ANKRD37: variants seen among roughly 807,000 people sequenced by gnomAD.
ANKRD37 encodes the protein ankyrin repeat domain-containing protein 37.
Under a neutral mutation model 19.7 loss-of-function variants are expected in ANKRD37, and 17 were observed. That is an observed-to-expected ratio of 0.86 (90% CI 0.59 to 1.29). The LOEUF (loss-of-function observed/expected upper bound fraction) is 1.29, where lower values mean the gene tolerates loss of function less well. Ranked by LOEUF, ANKRD37 falls within the 50% of genes most tolerant of loss-of-function variation. ANKRD37 has a pLI of 0.00. For missense variants in ANKRD37, 207 were observed against 190.4 expected, an observed-to-expected ratio of 1.09 and a Z score of -0.51; for synonymous variants, 79 against 74.5, an observed-to-expected ratio of 1.06 and a Z score of -0.31.
intron 3 of ANKRD37, 42 bp downstream of exon 3, chr4:185,399,070 G>C (rs1464682549): frequency 6.5e-7 from 1 of 1,529,796 alleles, no homozygotes; most frequent in Admixed American, 1.7e-5. Context: ...TGTTTTCTTG[G>C]ATTAAACTAA....
Position 185,399,735 on chromosome 4 carries a change from C to T in ANKRD37, c.438C>T (p.Leu146=), listed in dbSNP as rs749133633. ...CCGTGCTCAGACAGAAACGGAGTCT[C>T]GGAAGTGTAGAAAATACCAGTGGGA... is the stretch of plus-strand genomic sequence containing the variant. ...CVAVLRQKRS[L]GSVENTSGKR... is the part of the protein sequence containing the mutation. Residue 146 remains leucine (L), a synonymous_variant, in exon 4 of 5, where the codon CTC becomes CTT. Transcript: ENST00000335174. 20 of 1,613,912 alleles carry T rather than the reference C, an allele frequency of 1.2e-5. No homozygotes were observed. Among genetic ancestry groups the T allele is most frequent in the South Asian group, 2.2e-5 (2 of 91,068 alleles).
downstream of ANKRD37, chr4:185,400,367 C>T: frequency 6.6e-7 from 1 of 1,514,272 alleles, no homozygotes; most frequent in Non-Finnish European, 9.2e-7. Context: ...TACCACTCTA[C>T]TGCAGTCTTT....
intron 2 of ANKRD37, 72 bp downstream of exon 2, chr4:185,397,374 C>T: frequency 6.4e-7 from 1 of 1,552,092 alleles, no homozygotes; most frequent in Non-Finnish European, 8.7e-7. Context: ...TCTCAGACGC[C>T]AAGAGTTGTT....
downstream of ANKRD37, chr4:185,400,650 A>T: frequency 2.2e-6 from 1 of 446,670 alleles, no homozygotes; most frequent in Non-Finnish European, 4.0e-6. Context: ...CTTACCCTTT[A>T]AGGTAGGTTT....
intron 4 of ANKRD37, 89 bp from the exon 5 acceptor site, chr4:185,399,928 A>G: frequency 6.4e-7 from 1 of 1,555,252 alleles, no homozygotes; most frequent in Non-Finnish European, 8.7e-7. Flanking sequence ...CAGAGTCTAG[A>G]GACCAAAAAT....
intron 3 of ANKRD37, 66 bp downstream of exon 3, chr4:185,399,094 G>A: frequency 2.3e-6 from 3 of 1,333,030 alleles, no homozygotes; most frequent in Non-Finnish European, 3.2e-6. Context: ...GACTCCTGAA[G>A]CTTAGTTACA....
At chr4:185,399,395 A>C in intron 3 of ANKRD37, 175 bp from the exon 4 acceptor site, 1 of 652,848 alleles carries the variant, frequency 1.5e-6, no homozygotes. Context: ...TCTATGCTGG[A>C]TTCTGTTAGT....
At position 185,397,153 on chromosome 4, in the gene ANKRD37, G is replaced by A. The variant is rs1164192811; in HGVS notation, c.31G>A (p.Asp11Asn). Reference protein sequence around the residue: MLLLDCNPEVDGLKHLLETGA... With the variant: MLLLDCNPEVNGLKHLLETGA... The stretch of plus-strand genomic sequence containing the variant: ...TGGATCTGTTCTCTTCCTGCAGGTG[G>A]ATGGTCTGAAGCATTTGCTGGAGAC... The change falls in exon 2 of 5, where the codon GAT becomes AAT. Residue 11 changes from aspartate (D) to asparagine (N), a missense_variant. Asp to Asn is a conservative substitution (Grantham distance 23). Coordinates refer to ENST00000335174, the MANE Select transcript of ANKRD37 (RefSeq NM_181726.4). The A allele has an allele frequency of 9.3e-6, 15 of 1,613,274 alleles. No homozygotes were observed. Among genetic ancestry groups the A allele is most frequent in the Non-Finnish European group, 1.1e-5 (13 of 1,179,992 alleles).
At chr4:185,397,025 C>T in intron 1 of ANKRD37, 75 bp downstream of exon 1, 1 of 1,608,458 alleles carries the variant, frequency 6.2e-7, no homozygotes, top group South Asian at 1.1e-5. Flanking sequence ...CTCGTTAATG[C>T]GGGGACGGAC....
intron 4 of ANKRD37, 61 bp from the exon 5 acceptor site, chr4:185,399,956 G>T: frequency 6.3e-7 from 1 of 1,581,026 alleles, no homozygotes; most frequent in Non-Finnish European, 8.6e-7. Flanking sequence ...CATGGTGGAA[G>T]TTTGGGGATA....
chr4:185,400,156 A>G lies in ANKRD37; in HGVS notation c.*139A>G. 1.2e-6 allele frequency: 1 copy of G among 824,920 alleles called. No individual in the cohort carries two copies. The highest frequency in any genetic ancestry group is 1.8e-5 in the South Asian group (1 of 56,698). 51.1% of individuals were successfully genotyped at this position (824,920 alleles called of 1,614,324 possible). On this transcript the variant is annotated 3_prime_UTR_variant, in exon 5 of 5. Coordinates refer to ENST00000335174, the MANE Select transcript of ANKRD37 (RefSeq NM_181726.4). Reference sequence around the variant, plus strand: ...AAAACTTTCTTCCAAGTGAAGATCCATTTAAGAACACATGTATTTACATGC... The same window carrying G: ...AAAACTTTCTTCCAAGTGAAGATCCGTTTAAGAACACATGTATTTACATGC...
intron 2 of ANKRD37, chr4:185,397,624 T>C: frequency 3.7e-6 from 1 of 273,456 alleles, no homozygotes; most frequent in Admixed American, 5.1e-5. Flanking sequence ...ACACTTTCTT[T>C]TATTCTGTCT....
At chr4:185,399,825 G>C in intron 4 of ANKRD37, 52 bp downstream of exon 4, 1 of 1,607,154 alleles carries the variant, frequency 6.2e-7, no homozygotes, top group Non-Finnish European at 8.5e-7. Context: ...TCTCTTGTTT[G>C]CATAGCATTT....
chr4:185,399,524 CTT>C (rs1250935356), intron 3 of ANKRD37, 44 bp from the exon 4 acceptor site: 30 of 1,594,296 alleles, frequency 1.9e-5, no homozygotes, highest in South Asian at 4.5e-5. Context: ...AAAAAAAAGA[CTT>C]AAGTTCAATG....
In ANKRD37 at chr4:185,396,919, G is replaced by T. The variant is rs371815282; in HGVS notation, c.-5G>T. 6.8e-6 allele frequency: 11 copies of T among 1,613,472 alleles called. No homozygotes were observed. Among genetic ancestry groups the T allele is most frequent in the African/African-American group, 4.0e-5 (3 of 74,946 alleles). On this transcript the variant is annotated 5_prime_UTR_variant, in exon 1 of 5. Transcript: ENST00000335174. ...AGGACTCTTGTCATCTGCCTTAGGC[G>T]GGAAATGCTGTTGCTGGATTGCAAC...
chr4:185,397,061 G>A, intron 1 of ANKRD37, 89 bp from the exon 2 acceptor site: 1 of 1,609,940 alleles, frequency 6.2e-7, no homozygotes, highest in Non-Finnish European at 8.5e-7. Flanking sequence ...GGTCAGAGCT[G>A]GTTGTGAAGG....
At chr4:185,398,833 G>T (rs1580039930) in intron 2 of ANKRD37, 104 bp from the exon 3 acceptor site, 13 of 744,016 alleles carry the variant, frequency 1.7e-5, no homozygotes, top group Non-Finnish European at 2.2e-5. Context: ...CCAGTACAAT[G>T]CAGTTCTAAC....
At chr4:185,398,770 C>T (rs182237842) in intron 2 of ANKRD37, among the ~76,000 whole-genome samples, 167 bp from the exon 3 acceptor site, 3 of 139,236 alleles carry the variant, frequency 2.2e-5, no homozygotes, top group African/African-American at 8.3e-5. Flanking sequence ...AATAAACCCA[C>T]GAAAAGTTTT....
chr4:185,400,542 G>A (rs529079598), downstream of ANKRD37: 55 of 1,225,858 alleles, frequency 4.5e-5, no homozygotes, highest in African/African-American at 5.1e-4. Flanking sequence ...CATGGAAATC[G>A]TGACATCAGG....
Sources: allele counts gnomAD v4.1 joint callset (sites outside exome capture counted in the v4.1 genomes callset), GRCh38; gene constraint gnomAD v4.1.1; transcripts MANE v1.5; gene names NCBI Gene and HGNC (gene_info 2026-07-23, HGNC 2026-07-21).